GALNT10: variants seen among roughly 807,000 people sequenced by gnomAD.
GALNT10 encodes GalNAc transferase 10.
Under a neutral mutation model 75.0 loss-of-function variants are expected in GALNT10, and 41 were observed. The ratio of observed to expected loss-of-function variants is 0.55; its 90% CI spans 0.43 to 0.71. The LOEUF (loss-of-function observed/expected upper bound fraction) is 0.71, where lower values mean the gene tolerates loss of function less well. Among genes scored for constraint, GALNT10 ranks in the 30% least tolerant of loss-of-function variants. GALNT10 has a pLI of 0.00. For synonymous variants in GALNT10, 302 were observed against 313.0 expected (o/e 0.96, Z 0.37); for missense variants, 727 against 818.5 (o/e 0.89, Z 1.36).
At chr5:154,241,504 G>A (rs1208725285) in intron 1 of GALNT10, among the ~76,000 whole-genome samples, 2 of 151,446 alleles carry the variant, frequency 1.3e-5, no homozygotes, top group Non-Finnish European at 2.9e-5. Context: ...TTTTTAAGGA[G>A]ATAATAGAGA....
At chr5:154,255,268 T>TTGGTGC (rs1753589455) in intron 1 of GALNT10, among the ~76,000 whole-genome samples, 3 of 152,128 alleles carry the variant, frequency 2.0e-5, no homozygotes, top group Non-Finnish European at 4.4e-5. Context: ...CATCAAGGTA[T>TTGGTGC]ATCCCTCAAT....
In GALNT10 at chr5:154,418,110, C is replaced by T. The variant is rs1466621079; in HGVS notation, c.*1138C>T. On this transcript the variant is annotated 3_prime_UTR_variant, in exon 12 of 12. Coordinates refer to ENST00000297107, the MANE Select transcript of GALNT10 (RefSeq NM_198321.4). ...TCTAGAATGCTGTGATTAAAGGAGCCAGCCAGGTGTAATACAGTCAAGGCA... is the reference window on the plus strand; with the variant it reads ...TCTAGAATGCTGTGATTAAAGGAGCTAGCCAGGTGTAATACAGTCAAGGCA... 1 of 152,202 alleles carries T rather than the reference C, an allele frequency of 6.6e-6. No homozygotes were observed. Among genetic ancestry groups the T allele is most frequent in the Non-Finnish European group, 1.5e-5 (1 of 68,040 alleles). The allele number at this position is 152,202 out of a possible 1,614,324, so 9.4% of individuals were successfully genotyped here.
rs754994216 is a variant in GALNT10 at position 154,376,450 on chromosome 5, C to T, written c.742C>T (p.Pro248Ser). The T allele has an allele frequency of 4.1e-5, 64 of 1,576,688 alleles. No individual in the cohort carries two copies. The highest frequency in any genetic ancestry group is 5.1e-5 in the Non-Finnish European group (60 of 1,165,912). Residue 248 changes from proline to serine, a missense_variant, in exon 5 of 12, where the codon CCC becomes TCC. Physicochemically the swap from Pro to Ser is moderately conservative, Grantham distance 74 (BLOSUM62 -1). Transcript: ENST00000297107. This position sits in a 1 kb window ranked among gnomAD's most constrained non-coding sequence, Gnocchi z 4.1. The part of the protein sequence containing the change: ...SHCEANVNWL[P>S]PLLDRIARNR... ...CTGTGAAGCCAATGTCAACTGGCTT[C>T]CCCCCTTGCTTGGTAAGGGAGCCCC...
chr5:154,353,353 C>G (rs1254286552), intron 4 of GALNT10, among the ~76,000 whole-genome samples: 1 of 152,168 alleles, frequency 6.6e-6, no homozygotes, highest in Non-Finnish European at 1.5e-5. Context: ...ATTACCAACC[C>G]CTGGCTAAGC....
chr5:154,360,804 A>C (rs1755374109), intron 4 of GALNT10, among the ~76,000 whole-genome samples: 1 of 152,236 alleles, frequency 6.6e-6, no homozygotes, highest in Non-Finnish European at 1.5e-5. Flanking sequence ...ATTAAAAAAC[A>C]ATACTATCTT....
chr5:154,260,144 A>G (rs1753681452), intron 1 of GALNT10, among the ~76,000 whole-genome samples: 1 of 152,158 alleles, frequency 6.6e-6, no homozygotes, highest in African/African-American at 2.4e-5. Flanking sequence ...TGTCATAGTC[A>G]AAGTACTATT....
At chr5:154,240,224 T>G (rs992543903) in intron 1 of GALNT10, among the ~76,000 whole-genome samples, 3 of 152,206 alleles carry the variant, frequency 2.0e-5, no homozygotes, top group African/African-American at 7.2e-5. Context: ...ACCCTCAAAT[T>G]TGATTATAGA....
chr5:154,288,711 G>A (rs1427519634), intron 1 of GALNT10, among the ~76,000 whole-genome samples: 1 of 152,156 alleles, frequency 6.6e-6, no homozygotes, highest in Non-Finnish European at 1.5e-5. Flanking sequence ...AATAATTACA[G>A]CTTTTGTAGA....
intron 1 of GALNT10, among the ~76,000 whole-genome samples, chr5:154,208,200 T>A (rs1188580300): frequency 6.6e-6 from 1 of 152,174 alleles, no homozygotes; most frequent in Non-Finnish European, 1.5e-5. Context: ...CACTTGACAT[T>A]CTAAGAGAAA....
intron 7 of GALNT10, among the ~76,000 whole-genome samples, chr5:154,390,545 A>T (rs1755878936): frequency 1.3e-5 from 2 of 152,190 alleles, no homozygotes; most frequent in African/African-American, 4.8e-5. Flanking sequence ...CCTCAAGAAG[A>T]CTTCTAAATA....
chr5:154,230,788 C>G (rs1753138556), intron 1 of GALNT10, among the ~76,000 whole-genome samples: 1 of 152,226 alleles, frequency 6.6e-6, no homozygotes, highest in Non-Finnish European at 1.5e-5. Context: ...CTAGCAGCTT[C>G]TGGAGTAAAC....
At chr5:154,252,529 A>G (rs1753538824) in intron 1 of GALNT10, among the ~76,000 whole-genome samples, 1 of 152,018 alleles carries the variant, frequency 6.6e-6, no homozygotes, top group Non-Finnish European at 1.5e-5. Flanking sequence ...TACTACCATT[A>G]CACTATCTGG....
At position 154,258,917 on chromosome 5, in the gene GALNT10, A is replaced by G. The variant is rs963678085; in HGVS notation, c.160-35899A>G. The stretch of plus-strand genomic sequence containing the variant: ...GTTACAGAAACTTTTTTAAAAAAAA[A>G]CTCTTAATTTGAAATAATTTTAGAT... On this transcript the variant is annotated intron_variant, in intron 1 of 11. Transcript: ENST00000297107. Among the ~76,000 whole-genome samples the G allele has an allele frequency of 2.0e-5, 3 of 152,088 alleles. No homozygotes were observed. In the East Asian group the frequency reaches 5.8e-4, roughly 29 times the overall value.
chr5:154,374,305 A>G (rs2113170891), intron 4 of GALNT10, among the ~76,000 whole-genome samples: 1 of 152,312 alleles, frequency 6.6e-6, no homozygotes, highest in Non-Finnish European at 1.5e-5. Flanking sequence ...TTAGCCTTCT[A>G]GCCTCTGGTT....
In GALNT10 at chr5:154,420,196, G is replaced by A. The variant is rs914948074; in HGVS notation, c.*3224G>A. On this transcript the variant is annotated 3_prime_UTR_variant, in exon 12 of 12. Coordinates refer to ENST00000297107, the MANE Select transcript of GALNT10 (RefSeq NM_198321.4). The stretch of plus-strand genomic sequence containing the variant: ...GGTACATCCACAGGAGGAATCGGAC[G>A]AGAGGATGTGACATTCGGTCCAGGA... 5 of 152,214 alleles carry A rather than the reference G, an allele frequency of 3.3e-5. No homozygotes were observed. The highest frequency in any genetic ancestry group is 9.6e-5 in the African/African-American group (4 of 41,458). The allele number at this position is 152,214 out of a possible 1,614,324, so 9.4% of individuals were successfully genotyped here. A position where few individuals can be genotyped will look rare whatever the true frequency, so the allele number is the denominator to read the frequency against.
chr5:154,272,227 G>A (rs982552654), intron 1 of GALNT10, among the ~76,000 whole-genome samples: 1 of 152,136 alleles, frequency 6.6e-6, no homozygotes, highest in Admixed American at 6.5e-5. Flanking sequence ...AGGGGCACAG[G>A]GAGGTCTGAG....
chr5:154,328,083 GAA>G (rs5872372), intron 3 of GALNT10, among the ~76,000 whole-genome samples: 1 of 147,564 alleles, frequency 6.8e-6, no homozygotes. Context: ...AATCGAAGGG[GAA>G]AAAAAAAAAG....
At chr5:154,296,427 G>A (rs942126854) in intron 2 of GALNT10, among the ~76,000 whole-genome samples, 3 of 152,108 alleles carry the variant, frequency 2.0e-5, no homozygotes, top group African/African-American at 7.2e-5. Flanking sequence ...GAAAACATTT[G>A]GGAAGAGCTG....
chr5:154,270,121 A>G (rs1753839133), intron 1 of GALNT10, among the ~76,000 whole-genome samples: 2 of 151,842 alleles, frequency 1.3e-5, no homozygotes, highest in Admixed American at 1.3e-4. Flanking sequence ...ATGTGTGACT[A>G]TACTTGATAA....
Sources: allele counts gnomAD v4.1 joint callset (sites outside exome capture counted in the v4.1 genomes callset), GRCh38; gene constraint gnomAD v4.1.1; non-coding constraint Gnocchi (gnomAD v3.1); transcripts MANE v1.5; gene names NCBI Gene and HGNC (gene_info 2026-07-23, HGNC 2026-07-21).